Variants in RAB11FIP5 observed in about 807,000 individuals in gnomAD.
RAB11FIP5 encodes RAB11 family interacting protein 5, also known as rab11 family-interacting protein 5.
RAB11FIP5 carries 48 observed loss-of-function variants against 85.1 expected under a neutral mutation model. The ratio of observed to expected loss-of-function variants is 0.56; its 90% CI spans 0.45 to 0.72. RAB11FIP5 has a LOEUF of 0.72. Among genes scored for constraint, RAB11FIP5 ranks in the 30% least tolerant of loss-of-function variants. The pLI is 0.00. For missense variants in RAB11FIP5, 1,491 were observed against 1,687.0 expected, an observed-to-expected ratio of 0.88 and a Z score of 2.04; for synonymous variants, 729 against 727.3, an observed-to-expected ratio of 1.00 and a Z score of -0.04.
intron 1 of RAB11FIP5, among the ~76,000 whole-genome samples, chr2:73,096,794 C>A (rs1201362620): frequency 6.6e-6 from 1 of 152,178 alleles, no homozygotes; most frequent in South Asian, 2.1e-4. Context: ...CACTCAGCAC[C>A]TTTTGGGGCT....
intron 1 of RAB11FIP5, among the ~76,000 whole-genome samples, chr2:73,098,486 G>A (rs1269683925): frequency 6.6e-6 from 1 of 152,204 alleles, no homozygotes; most frequent in African/African-American, 2.4e-5. Flanking sequence ...AAACGCACAC[G>A]AGCATCGGCT....
chr2:73,095,016 C>G (rs1684290012), intron 1 of RAB11FIP5, among the ~76,000 whole-genome samples: 1 of 152,086 alleles, frequency 6.6e-6, no homozygotes, highest in African/African-American at 2.4e-5. Context: ...TGACACCCAC[C>G]TGGTGCTCAG....
At chr2:73,090,817 G>A (rs1226500570) in intron 1 of RAB11FIP5, among the ~76,000 whole-genome samples, 1 of 152,222 alleles carries the variant, frequency 6.6e-6, no homozygotes, top group East Asian at 1.9e-4. Flanking sequence ...TACCGTAATG[G>A]TGGACATGCA....
intron 1 of RAB11FIP5, among the ~76,000 whole-genome samples, chr2:73,100,867 C>T (rs1684416263): frequency 6.6e-6 from 1 of 152,026 alleles, no homozygotes; most frequent in Non-Finnish European, 1.5e-5. Context: ...TGCAGTGGCA[C>T]AATCTCAGCT....
intron 1 of RAB11FIP5, among the ~76,000 whole-genome samples, chr2:73,101,609 G>A (rs577199643): frequency 2.0e-5 from 3 of 152,192 alleles, no homozygotes; most frequent in East Asian, 1.9e-4. Context: ...AGACTCCTGC[G>A]GAGGTCAGAG....
At chr2:73,084,177 C>A (rs1323020852) in intron 3 of RAB11FIP5, 1 of 152,238 alleles carries the variant, frequency 6.6e-6, no homozygotes, top group Non-Finnish European at 1.5e-5. Flanking sequence ...AGCACCAGGC[C>A]TGGCAGGCTT....
In RAB11FIP5 at chr2:73,086,467, A is replaced by C. The variant is rs189887535; in HGVS notation, c.1568+1583T>G. 6.6e-6 allele frequency among the ~76,000 whole-genome samples: 1 copy of C among 152,278 alleles called. No homozygotes were observed. Among genetic ancestry groups the C allele is most frequent in the East Asian group, 1.9e-4 (1 of 5,178 alleles). On this transcript the variant is annotated intron_variant, in intron 3 of 5. Coordinates refer to ENST00000486777, the MANE Select transcript of RAB11FIP5 (RefSeq NM_001371272.1). This position sits in a 1 kb window ranked among gnomAD's most constrained non-coding sequence, Gnocchi z 4.4. The stretch of plus-strand genomic sequence containing the variant: ...CAGACTCACAGCCTGTGGGAGTCCA[A>C]GCCCAAAGCCTGGGCAGGACTCACC...
intron 1 of RAB11FIP5, among the ~76,000 whole-genome samples, chr2:73,105,330 A>G (rs1684503261): frequency 6.6e-6 from 1 of 151,838 alleles, no homozygotes; most frequent in Admixed American, 6.6e-5. Flanking sequence ...GCAGCCTTGA[A>G]CTCCCGGGCT....
chr2:73,086,862 C>G lies in RAB11FIP5; in HGVS notation c.1568+1188G>C, dbSNP rs1684099419. On this transcript the variant is annotated intron_variant, in intron 3 of 5. Transcript: ENST00000486777. This position sits in a 1 kb window ranked among gnomAD's most constrained non-coding sequence, Gnocchi z 4.4. Reference sequence around the variant, plus strand: ...GGGTGGCATGCCCCTGAAACTGATCCACCCCCCCATACCCCTATCTATGAG... The same window carrying G: ...GGGTGGCATGCCCCTGAAACTGATCGACCCCCCCATACCCCTATCTATGAG... 6.6e-6 allele frequency among the ~76,000 whole-genome samples: 1 copy of G among 151,914 alleles called. No individual in the cohort carries two copies. The highest frequency in any genetic ancestry group is 2.4e-5 in the African/African-American group (1 of 41,240).
At chr2:73,108,694 C>T (rs1684578863) in intron 1 of RAB11FIP5, among the ~76,000 whole-genome samples, 1 of 152,224 alleles carries the variant, frequency 6.6e-6, no homozygotes, top group Admixed American at 6.5e-5. Flanking sequence ...CACCACATCC[C>T]ATCCCTGTCT....
At position 73,112,455 on chromosome 2, in the gene RAB11FIP5, A is replaced by G; in HGVS notation, c.323T>C (p.Leu108Pro). ...CGAGCGGTGCATGGTGGTGAGCACC[A>G]GCTCGCAGGCGGCGGCGGAGCTCGC... ...WAASSAAACE[L>P]VLTTMHRSLI... Residue 108 changes from leucine (L) to proline (P), a missense_variant, in exon 1 of 6, where the codon CTG becomes CCG. Coordinates refer to ENST00000486777, the MANE Select transcript of RAB11FIP5 (RefSeq NM_001371272.1). 6.6e-7 allele frequency: 1 copy of G among 1,516,878 alleles called. No homozygotes were observed. Among genetic ancestry groups the G allele is most frequent in the East Asian group, 2.6e-5 (1 of 38,642 alleles). 94.0% of individuals were successfully genotyped at this position (1,516,878 alleles called of 1,614,324 possible).
intron 1 of RAB11FIP5, among the ~76,000 whole-genome samples, chr2:73,094,286 T>C (rs755728544): frequency 5.9e-5 from 9 of 152,170 alleles, no homozygotes; most frequent in Admixed American, 5.9e-4. Flanking sequence ...CCTAGCTGAC[T>C]GGGGCACTGG....
Position 73,080,894 on chromosome 2 carries a change from T to G in RAB11FIP5, c.2338A>C (p.Ser780Arg). 1 of 1,232,604 alleles carries G rather than the reference T, an allele frequency of 8.1e-7. No individual in the cohort carries two copies. The highest frequency in any genetic ancestry group is 1.0e-6 in the Non-Finnish European group (1 of 988,358). The allele number at this position is 1,232,604 out of a possible 1,614,324, so 76.4% of individuals were successfully genotyped here. ...AGAGATGTCCCACTGTCTGCCGGAC[T>G]CTGCCCTGCTTCCACTTCCGGGGCT... is the stretch of plus-strand genomic sequence containing the variant. ...LPAPEVEAGQ[S>R]PADSGTSLFS... The change falls in exon 4 of 6, where the codon AGT becomes CGT. Residue 780 changes from serine (S) to arginine (R), a missense_variant. Coordinates refer to ENST00000486777, the MANE Select transcript of RAB11FIP5 (RefSeq NM_001371272.1).
chr2:73,094,320 C>T (rs1684278389), intron 1 of RAB11FIP5, among the ~76,000 whole-genome samples: 1 of 152,130 alleles, frequency 6.6e-6, no homozygotes, highest in Non-Finnish European at 1.5e-5. Flanking sequence ...AAAGCCCAAG[C>T]TGAGGCCTGA....
At chr2:73,103,850 TCTCTGGC>T (rs1321590640) in intron 1 of RAB11FIP5, among the ~76,000 whole-genome samples, 8 of 152,114 alleles carry the variant, frequency 5.3e-5, no homozygotes, top group African/African-American at 1.9e-4. Context: ...TCTCAGGGGA[TCTCTGGC>T]AGGTGGAAAA....
At position 73,089,690 on chromosome 2, in the gene RAB11FIP5, T is replaced by C. The variant is rs1297498898; in HGVS notation, c.432-375A>G. 2.8e-6 allele frequency: 1 copy of C among 353,404 alleles called. No homozygotes were observed. Among genetic ancestry groups the C allele is most frequent in the Non-Finnish European group, 5.5e-6 (1 of 183,068 alleles). 21.9% of individuals were successfully genotyped at this position (353,404 alleles called of 1,614,324 possible). On this transcript the variant is annotated intron_variant, in intron 1 of 5. Transcript: ENST00000486777. The surrounding 1 kb of genome is among the most constrained non-coding windows in gnomAD (Gnocchi z 4.6). ...AGGCCCAGAGGGGTGAGGCTGGGCC[T>C]GGGAGAGCCCTCCCATCTCCAGGCC...
At chr2:73,097,248 A>G (rs1684337516) in intron 1 of RAB11FIP5, among the ~76,000 whole-genome samples, 1 of 151,912 alleles carries the variant, frequency 6.6e-6, no homozygotes, top group Non-Finnish European at 1.5e-5. Context: ...TGTTGGTCAC[A>G]CTGGTCTCGA....
chr2:73,110,834 G>A (rs1015338350), intron 1 of RAB11FIP5, among the ~76,000 whole-genome samples: 1 of 152,136 alleles, frequency 6.6e-6, no homozygotes, highest in African/African-American at 2.4e-5. Context: ...TCATCTAACA[G>A]TCTGGTCAGA....
In RAB11FIP5 at chr2:73,080,016, T is replaced by A; in HGVS notation, c.3216A>T (p.Arg1072=). ...ALNPFLFQGS[R]DPPSLSSASP... ...ATGCAGATGAGAGGCTGGGAGGATC[T>A]CGGCTCCCCTGAAACAAGAAGGGGT... Residue 1072 remains arginine, a synonymous_variant, in exon 4 of 6, where the codon CGA becomes CGT. Coordinates refer to ENST00000486777, the MANE Select transcript of RAB11FIP5 (RefSeq NM_001371272.1). The A allele has an allele frequency of 8.1e-7, 1 of 1,232,136 alleles. No individual in the cohort carries two copies. Among genetic ancestry groups the A allele is most frequent in the Non-Finnish European group, 1.0e-6 (1 of 988,026 alleles). 76.3% of individuals were successfully genotyped at this position (1,232,136 alleles called of 1,614,324 possible). A position where few individuals can be genotyped will look rare whatever the true frequency, so the allele number is the denominator to read the frequency against.
Sources: allele counts gnomAD v4.1 joint callset (sites outside exome capture counted in the v4.1 genomes callset), GRCh38; gene constraint gnomAD v4.1.1; non-coding constraint Gnocchi (gnomAD v3.1); transcripts MANE v1.5; gene names NCBI Gene and HGNC (gene_info 2026-07-23, HGNC 2026-07-21).